Variants in ATR observed in about 807,000 individuals in gnomAD.
ATR encodes the protein ATR checkpoint kinase.
ATR carries 142 observed loss-of-function variants against 305.3 expected under a neutral mutation model. The ratio of observed to expected loss-of-function variants is 0.47; its 90% CI spans 0.41 to 0.53. The LOEUF (loss-of-function observed/expected upper bound fraction) is 0.53. Among genes scored for constraint, ATR ranks in the 20% least tolerant of loss-of-function variants. The pLI is 0.00. For synonymous variants in ATR, 1,050 were observed against 1,068.1 expected (o/e 0.98, Z 0.33); for missense variants, 2,135 against 3,133.1 (o/e 0.68, Z 7.60).
Position 142,543,545 on chromosome 3 carries a change from G to C in ATR, c.3358-788C>G, listed in dbSNP as rs1167489199. Among the ~76,000 whole-genome samples the C allele has an allele frequency of 2.3e-5, 3 of 130,888 alleles. No individual in the cohort carries two copies. In the South Asian group the frequency reaches 7.4e-4, roughly 32 times the overall value. 85.9% of individuals were successfully genotyped at this position (130,888 alleles called of 152,430 possible). A position where few individuals can be genotyped will look rare whatever the true frequency, so the allele number is the denominator to read the frequency against. ...TTTCTTCCTCTTTTACTTAAACAGG[G>C]TTCCTTCCTTCCTTCCTCCCTCCCT... On this transcript the variant is annotated intron_variant, in intron 16 of 46. Transcript: ENST00000350721.
At chr3:142,557,725 T>G (rs929379709) in intron 8 of ATR, among the ~76,000 whole-genome samples, 3 of 152,158 alleles carry the variant, frequency 2.0e-5, no homozygotes, top group African/African-American at 7.2e-5. Flanking sequence ...CTCTGCCTCC[T>G]GGGTTCAAGA....
In ATR at chr3:142,578,593, C is replaced by G. The variant is rs915931100; in HGVS notation, c.59+53G>C. ...AGGGGAGGGGAGAGCACGTGAAACC[C>G]AAGCCGGAATCAGCGGAGGAGGATG... On this transcript the variant is annotated intron_variant, in intron 1 of 46. Coordinates refer to ENST00000350721, the MANE Select transcript of ATR (RefSeq NM_001184.4). 6.3e-6 allele frequency: 10 copies of G among 1,580,126 alleles called. No homozygotes were observed. The African/African-American group carries it at 1.3e-4, about 21-fold the overall frequency.
intron 41 of ATR, among the ~76,000 whole-genome samples, chr3:142,462,593 C>T (rs866534733): frequency 5.3e-5 from 8 of 151,974 alleles, no homozygotes; most frequent in African/African-American, 1.9e-4. Flanking sequence ...CTCAGCCTCC[C>T]GAGTAGGTGG....
chr3:142,550,077 G>T, intron 14 of ATR, 55 bp downstream of exon 14: 1 of 1,593,472 alleles, frequency 6.3e-7, no homozygotes. Context: ...ATCTAGAATG[G>T]AATGAACAAA....
In ATR at chr3:142,466,382, T is replaced by A. The variant is rs1473269172; in HGVS notation, c.6839A>T (p.His2280Leu). ...LPSILGTHAN[H>L]ASHEPFPGHW... ...TCCAGGAAATGGTTCATGGCTAGCATGGTTAGCATGGGTACCCAGAATTGA... is the reference window on the plus strand; with the variant it reads ...TCCAGGAAATGGTTCATGGCTAGCAAGGTTAGCATGGGTACCCAGAATTGA... Residue 2280 changes from histidine to leucine, a missense_variant, in exon 40 of 47, where the codon CAT becomes CTT. This residue lies in a region of ATR where 462 missense variants were observed against 887.6 expected (regional missense o/e 0.52). Coordinates refer to ENST00000350721, the MANE Select transcript of ATR (RefSeq NM_001184.4). The A allele has an allele frequency of 1.2e-6, 2 of 1,614,020 alleles. No individual in the cohort carries two copies. The highest frequency in any genetic ancestry group is 1.7e-5 in the Admixed American group (1 of 60,024).
chr3:142,475,969 A>T (rs1333768896), intron 36 of ATR, among the ~76,000 whole-genome samples: 2 of 151,796 alleles, frequency 1.3e-5, no homozygotes, highest in African/African-American at 4.8e-5. Context: ...AATTTGTTTG[A>T]GTTCTTTGTA....
intron 46 of ATR, chr3:142,451,381 T>C: frequency 1.4e-6 from 2 of 1,418,954 alleles, no homozygotes; most frequent in Non-Finnish European, 1.9e-6. Context: ...ATACATAACA[T>C]GGGTATTGTA....
chr3:142,571,296 T>C (rs1435669828), intron 1 of ATR, among the ~76,000 whole-genome samples: 1 of 152,046 alleles, frequency 6.6e-6, no homozygotes, highest in Admixed American at 6.6e-5. Context: ...TGAAACCCCA[T>C]CTCTGCTGAA....
rs768148647 is a variant in ATR at position 142,522,914 on chromosome 3, A to T, written c.4153-73T>A. On this transcript the variant is annotated intron_variant, in intron 22 of 46. Coordinates refer to ENST00000350721, the MANE Select transcript of ATR (RefSeq NM_001184.4). ...TTTTCTTAGGTGTACTGCTTTTTCC[A>T]TGGTGAATTTAACTTAACTGCGTAA... 1.1e-3 allele frequency: 1,313 copies of T among 1,147,844 alleles called. 3 individuals are homozygous for T. The highest frequency in any genetic ancestry group is 1.6e-3 in the Admixed American group (92 of 57,816). 71.1% of individuals were successfully genotyped at this position (1,147,844 alleles called of 1,614,324 possible). A position where few individuals can be genotyped will look rare whatever the true frequency, so the allele number is the denominator to read the frequency against.
intron 21 of ATR, among the ~76,000 whole-genome samples, chr3:142,525,080 A>AT (rs1327817086): frequency 6.6e-6 from 1 of 152,208 alleles, no homozygotes. Flanking sequence ...GATTTCTTAA[A>AT]TAACATTACA....
chr3:142,560,471 A>G lies in ATR; in HGVS notation c.1350-17T>C. On this transcript the variant is annotated splice_polypyrimidine_tract_variant and intron_variant, in intron 5 of 46. Transcript: ENST00000350721. ...TGTTTAATTCTATAATTATGAATATAGTAGAGAGATATTCATATGCAATAT... is the reference window on the plus strand; with the variant it reads ...TGTTTAATTCTATAATTATGAATATGGTAGAGAGATATTCATATGCAATAT... 1 of 1,569,132 alleles carries G rather than the reference A, an allele frequency of 6.4e-7. No homozygotes were observed. Among genetic ancestry groups the G allele is most frequent in the South Asian group, 1.1e-5 (1 of 89,946 alleles).
At chr3:142,466,191 C>G (rs1447456058) in intron 40 of ATR, 133 bp downstream of exon 40, 1 of 1,061,988 alleles carries the variant, frequency 9.4e-7, no homozygotes, top group Non-Finnish European at 1.4e-6. Flanking sequence ...TTTAGTTTTA[C>G]TCTTCTGTAT....
chr3:142,476,375 G>C (rs2071449427), intron 36 of ATR, among the ~76,000 whole-genome samples: 1 of 151,976 alleles, frequency 6.6e-6, no homozygotes, highest in Admixed American at 6.6e-5. Context: ...TCTTGTTTTT[G>C]TCAGGGTGGT....
intron 21 of ATR, among the ~76,000 whole-genome samples, chr3:142,524,662 T>G (rs927746645): frequency 1.3e-5 from 2 of 152,038 alleles, no homozygotes; most frequent in Admixed American, 1.3e-4. Flanking sequence ...GGAGCAACTA[T>G]TAGGTTAAAA....
At chr3:142,491,828 A>G (rs1349168243) in intron 35 of ATR, among the ~76,000 whole-genome samples, 1 of 151,786 alleles carries the variant, frequency 6.6e-6, no homozygotes, top group East Asian at 1.9e-4. Flanking sequence ...TGTATCTTTG[A>G]TTTCTCTCTC....
At chr3:142,537,929 C>G (rs1407548831) in intron 19 of ATR, among the ~76,000 whole-genome samples, 1 of 152,018 alleles carries the variant, frequency 6.6e-6, no homozygotes, top group Non-Finnish European at 1.5e-5. Flanking sequence ...TTTTAGAAAG[C>G]CTTCAATATC....
chr3:142,501,395 C>G (rs1450658263), intron 30 of ATR, among the ~76,000 whole-genome samples: 2 of 152,186 alleles, frequency 1.3e-5, no homozygotes, highest in African/African-American at 4.8e-5. Flanking sequence ...TAAAACTTCC[C>G]TTGTGATTTC....
chr3:142,533,271 C>G (rs887613468), intron 21 of ATR, among the ~76,000 whole-genome samples: 3 of 151,964 alleles, frequency 2.0e-5, no homozygotes, highest in Admixed American at 1.3e-4. Context: ...CTGGAGAGAC[C>G]CTGCCTCTAA....
At chr3:142,479,031 G>C (rs1358778121) in intron 36 of ATR, among the ~76,000 whole-genome samples, 1 of 152,116 alleles carries the variant, frequency 6.6e-6, no homozygotes, top group Non-Finnish European at 1.5e-5. Context: ...GATGGGTCTT[G>C]ACTCTATCCA....
Sources: allele counts gnomAD v4.1 joint callset (sites outside exome capture counted in the v4.1 genomes callset), GRCh38; gene constraint gnomAD v4.1.1; regional missense constraint gnomAD v4.1.1; transcripts MANE v1.5; gene names NCBI Gene and HGNC (gene_info 2026-07-23, HGNC 2026-07-21).